LST1: variants seen among roughly 807,000 people sequenced by gnomAD.
LST1 encodes the protein leukocyte-specific transcript 1 protein.
Under a neutral mutation model 8.5 loss-of-function variants are expected in LST1, and 9 were observed. That is an observed-to-expected ratio of 1.06 (90% CI 0.64 to 1.85). The LOEUF (loss-of-function observed/expected upper bound fraction) is 1.85, where lower values mean the gene tolerates loss of function less well. Among genes scored for constraint, LST1 ranks in the 40% most tolerant of loss-of-function variants. The pLI, the probability that LST1 is intolerant of heterozygous loss-of-function variation, is 0.00. For synonymous variants in LST1, 53 were observed against 50.4 expected, an observed-to-expected ratio of 1.05 and a Z score of -0.21; for missense variants, 121 against 117.1, an observed-to-expected ratio of 1.03 and a Z score of -0.16.
At chr6:31,587,460 G>A in intron 2 of LST1, 142 bp downstream of exon 2, 1 of 1,047,840 alleles carries the variant, frequency 9.5e-7, no homozygotes, top group Non-Finnish European at 1.5e-6. Flanking sequence ...GACCTCACGG[G>A]AGGCCCAGAA....
chr6:31,588,622 C>A lies in LST1; in HGVS notation c.240C>A (p.Thr80=). The part of the protein sequence containing the change: ...PDLRGRDKRG[T]KEDPRADYAC... ...TCAGGGGCAGAGACAAGAGAGGCAC[C>A]AAGGAGGATCCAAGAGCTGACTATG... Residue 80 remains threonine, a synonymous_variant, in exon 5 of 5, where the codon ACC becomes ACA. Coordinates refer to ENST00000438075, the MANE Select transcript of LST1 (RefSeq NM_205839.3). 1 of 1,613,112 alleles carries A rather than the reference C, an allele frequency of 6.2e-7. No homozygotes were observed. The highest frequency in any genetic ancestry group is 8.5e-7 in the Non-Finnish European group (1 of 1,180,018).
chr6:31,588,516 A>G lies in LST1; in HGVS notation c.136-2A>G, dbSNP rs755311354. The G allele has an allele frequency of 1.3e-6, 2 of 1,598,368 alleles. No individual in the cohort carries two copies. Among genetic ancestry groups the G allele is most frequent in the East Asian group, 4.5e-5 (2 of 44,138 alleles). ...CATCAGCACCTTCTGTCCTGGTCCC[A>G]GGCCCAGGGCTCCTCAGAGCAGGAA... On this transcript the variant is annotated splice_acceptor_variant, in intron 4 of 4. Transcript: ENST00000438075. LOFTEE classifies it high-confidence loss of function.
chr6:31,588,374 A>AAGAG (rs9279359), intron 4 of LST1, 144 bp from the exon 5 acceptor site: 25,646 of 622,058 alleles, frequency 0.041, 184 homozygotes, highest in East Asian at 0.1. Context: ...CCAAAGAAAA[A>AAGAG]AGAGAGAGAG....
rs763250270 is a variant in LST1 at position 31,587,647 on chromosome 6, G to C, written c.26G>C (p.Cys9Ser). MLSRNDDICIYGGLGLGGL... is the reference protein window; with the variant it reads MLSRNDDISIYGGLGLGGL... ...TGAGCCCTCTTCCCTGAAGATATATGTATCTACGGGGGCCTGGGGCTGGGC... is the reference window on the plus strand; with the variant it reads ...TGAGCCCTCTTCCCTGAAGATATATCTATCTACGGGGGCCTGGGGCTGGGC... Residue 9 changes from cysteine (C) to serine (S), a missense_variant, in exon 3 of 5, where the codon TGT (cysteine) becomes TCT (serine). Coordinates refer to ENST00000438075, the MANE Select transcript of LST1 (RefSeq NM_205839.3). 8.1e-6 allele frequency: 13 copies of C among 1,596,050 alleles called. No individual in the cohort carries two copies. The highest frequency in any genetic ancestry group is 2.3e-5 in the South Asian group (2 of 88,662).
chr6:31,588,771 G>A lies in LST1; in HGVS notation c.*95G>A. 1 of 1,332,838 alleles carries A rather than the reference G, an allele frequency of 7.5e-7. No homozygotes were observed. The highest frequency in any genetic ancestry group is 2.3e-5 in the East Asian group (1 of 43,268). 82.6% of individuals were successfully genotyped at this position (1,332,838 alleles called of 1,614,324 possible). On this transcript the variant is annotated 3_prime_UTR_variant, in exon 5 of 5. Coordinates refer to ENST00000438075, the MANE Select transcript of LST1 (RefSeq NM_205839.3). ...ATGGTCCCCCCACTTCTGTGTCTCA[G>A]TCCTCTCAGTCCATCTCGAGCCTCC...
chr6:31,587,153 C>T (rs1254546724), intron 1 of LST1, 47 bp from the exon 2 acceptor site: 6 of 685,250 alleles, frequency 8.8e-6, no homozygotes, highest in Non-Finnish European at 1.3e-5. Flanking sequence ...ATAAGGGAGG[C>T]TCCCCAGCCT....
At position 31,588,631 on chromosome 6, in the gene LST1, T is replaced by C. The variant is rs777969582; in HGVS notation, c.249T>C (p.Asp83=). 14 of 1,613,046 alleles carry C rather than the reference T, an allele frequency of 8.7e-6. No individual in the cohort carries two copies. Among genetic ancestry groups the C allele is most frequent in the South Asian group, 6.6e-5 (6 of 91,086 alleles). Reference sequence around the variant, plus strand: ...GAGACAAGAGAGGCACCAAGGAGGATCCAAGAGCTGACTATGCCTGCATTG... The same window carrying C: ...GAGACAAGAGAGGCACCAAGGAGGACCCAAGAGCTGACTATGCCTGCATTG... The part of the protein sequence containing the change: ...RGRDKRGTKE[D]PRADYACIAE... The change falls in exon 5 of 5, where the codon GAT becomes GAC. Residue 83 remains aspartate, a synonymous_variant. Transcript: ENST00000438075.
At chr6:31,587,055 G>C in intron 1 of LST1, 145 bp from the exon 2 acceptor site, 1 of 590,830 alleles carries the variant, frequency 1.7e-6, no homozygotes. Context: ...TGAATCTCGG[G>C]TCTTTACTTG....
rs1772320403 is a variant in LST1, at chr6:31,588,763, G to C, written c.*87G>C. 7.0e-7 allele frequency: 1 copy of C among 1,423,712 alleles called. No homozygotes were observed. The highest frequency in any genetic ancestry group is 9.9e-7 in the Non-Finnish European group (1 of 1,007,686). The allele number at this position is 1,423,712 out of a possible 1,614,324, so 88.2% of individuals were successfully genotyped here. A position where few individuals can be genotyped will look rare whatever the true frequency, so the allele number is the denominator to read the frequency against. On this transcript the variant is annotated 3_prime_UTR_variant, in exon 5 of 5. Coordinates refer to ENST00000438075, the MANE Select transcript of LST1 (RefSeq NM_205839.3). ...TAAAAACCATGGTCCCCCCACTTCT[G>C]TGTCTCAGTCCTCTCAGTCCATCTC...
chr6:31,588,857 T>C lies in LST1; in HGVS notation c.*181T>C. On this transcript the variant is annotated 3_prime_UTR_variant, in exon 5 of 5. Transcript: ENST00000438075. Reference sequence around the variant, plus strand: ...TTTGACCTTTGAATAGGGAATTTTTTAAATTTTTTAAAAATTAAAATAAAA... The same window carrying C: ...TTTGACCTTTGAATAGGGAATTTTTCAAATTTTTTAAAAATTAAAATAAAA... 1 of 879,590 alleles carries C rather than the reference T, an allele frequency of 1.1e-6. No individual in the cohort carries two copies. 54.5% of individuals were successfully genotyped at this position (879,590 alleles called of 1,614,324 possible). A position where few individuals can be genotyped will look rare whatever the true frequency, so the allele number is the denominator to read the frequency against.
rs1383440006 is a variant in LST1 at position 31,588,565 on chromosome 6, G to A, written c.183G>A (p.Arg61=). Residue 61 remains arginine, a synonymous_variant, in exon 5 of 5, where the codon AGG becomes AGA. Transcript: ENST00000438075. ...AACTCCACTATGCATCTCTGCAGAG[G>A]CTGCCAGTGCCCAGCAGTGAGGGAC... The part of the protein sequence containing the change: ...EQELHYASLQ[R]LPVPSSEGPD... The A allele has an allele frequency of 6.2e-7, 1 of 1,612,594 alleles. No individual in the cohort carries two copies. The highest frequency in any genetic ancestry group is 1.1e-5 in the South Asian group (1 of 90,994).
At position 31,586,332 on chromosome 6, in the gene LST1, C is replaced by T. The variant is rs1025132918; in HGVS notation, c.-101+17C>T. The T allele has an allele frequency of 1.3e-5, 2 of 152,178 alleles. No individual in the cohort carries two copies. Among genetic ancestry groups the T allele is most frequent in the Admixed American group, 6.6e-5 (1 of 15,262 alleles). The allele number at this position is 152,178 out of a possible 1,614,324, so 9.4% of individuals were successfully genotyped here. ...AAGCTCTGGGTAAGCTGGGAATGGG[C>T]AGGGACCTTGGTGGAAGGATGGTCA... On this transcript the variant is annotated intron_variant, in intron 1 of 4. Coordinates refer to ENST00000438075, the MANE Select transcript of LST1 (RefSeq NM_205839.3).
Position 31,587,482 on chromosome 6 carries a change from G to A in LST1, c.20-159G>A. 6.7e-6 allele frequency: 6 copies of A among 895,832 alleles called. No individual in the cohort carries two copies. The South Asian group carries it at 8.5e-5, about 13-fold the overall frequency. The allele number at this position is 895,832 out of a possible 1,614,324, so 55.5% of individuals were successfully genotyped here. Reference sequence around the variant, plus strand: ...CGGGAGGCCCAGAAACCTGGTAAGAGGTGAGGTATTAAGGTCTGGGATGGA... The same window carrying A: ...CGGGAGGCCCAGAAACCTGGTAAGAAGTGAGGTATTAAGGTCTGGGATGGA... On this transcript the variant is annotated intron_variant, in intron 2 of 4. Transcript: ENST00000438075.
chr6:31,588,459 C>T (rs145440861), intron 4 of LST1, 59 bp from the exon 5 acceptor site: 2 of 1,534,758 alleles, frequency 1.3e-6, no homozygotes, highest in African/African-American at 1.4e-5. Context: ...GGGAGCAGAA[C>T]TCACAGGGAA....
chr6:31,588,277 A>T, intron 4 of LST1: 1 of 607,962 alleles, frequency 1.6e-6, no homozygotes, highest in Non-Finnish European at 2.9e-6. Flanking sequence ...CACGTCTGTC[A>T]TTCCAGCTAT....
Position 31,587,185 on chromosome 6 carries a change from C to A in LST1, c.-100-15C>A. On this transcript the variant is annotated splice_polypyrimidine_tract_variant and intron_variant, in intron 1 of 4. Coordinates refer to ENST00000438075, the MANE Select transcript of LST1 (RefSeq NM_205839.3). ...GCCTGGGAACGATTATAACAGAGGG[C>A]CCCTCACTTCACAGATGAGGAACTT... 1.3e-6 allele frequency: 1 copy of A among 741,176 alleles called. No individual in the cohort carries two copies. The highest frequency in any genetic ancestry group is 2.5e-6 in the Non-Finnish European group (1 of 406,742). The allele number at this position is 741,176 out of a possible 1,614,324, so 45.9% of individuals were successfully genotyped here.
intron 4 of LST1, chr6:31,588,216 A>G: frequency 1.7e-6 from 1 of 576,592 alleles, no homozygotes; most frequent in Non-Finnish European, 3.1e-6. Flanking sequence ...CAAAGAGAAG[A>G]GCAATGAAAG....
At chr6:31,587,987 G>T in intron 4 of LST1, 21 bp downstream of exon 4, 3 of 1,602,602 alleles carry the variant, frequency 1.9e-6, no homozygotes, top group East Asian at 2.2e-5. Context: ...GGACAGGGAA[G>T]GGGGAGGGCA....
Position 31,587,715 on chromosome 6 carries a change from T to A in LST1, c.94T>A (p.Cys32Ser). The change falls in exon 3 of 5, where the codon TGT (cysteine) becomes AGT (serine). Residue 32 changes from cysteine (C) to serine (S), a missense_variant. By Grantham distance (112) the Cys-to-Ser change is moderately radical. Transcript: ENST00000438075. ...LAVVLLSACL[C>S]WLHRRVKRLE... ...AGTGGTCCTTCTGTCCGCCTGCCTG[T>A]GTTGGCTGCATCGAAGAGGTGAGCG... 6.2e-7 allele frequency: 1 copy of A among 1,602,258 alleles called. No homozygotes were observed. Among genetic ancestry groups the A allele is most frequent in the Middle Eastern group, 2.0e-4 (1 of 5,046 alleles).
Sources: allele counts gnomAD v4.1 joint callset, GRCh38; gene constraint gnomAD v4.1.1; transcripts MANE v1.5; gene names NCBI Gene and HGNC (gene_info 2026-07-23, HGNC 2026-07-21).